The following BACH2 variants were observed in gnomAD, a reference collection of about 807,000 sequenced individuals.
The protein encoded by BACH2 is BACH transcriptional regulator 2, also known as transcription regulator protein BACH2.
BACH2 carries 5 observed loss-of-function variants against 61.8 expected under a neutral mutation model. The observed-to-expected ratio is 0.08, with a 90% CI of 0.04 to 0.17. BACH2 has a LOEUF of 0.17. BACH2 is among the 10% of genes least tolerant of loss of function. The probability of loss-of-function intolerance (pLI) is 1.00; values close to 1 mark genes in which losing one functional copy is unlikely to be tolerated. For synonymous variants in BACH2, 446 were observed against 440.1 expected (o/e 1.01, Z -0.17); for missense variants, 824 against 1,091.1 (o/e 0.76, Z 3.45).
rs566287972 is a variant in BACH2 at position 90,088,730 on chromosome 6, G to C, written c.-13+231C>G. Among the ~76,000 whole-genome samples the C allele has an allele frequency of 6.6e-5, 10 of 152,166 alleles. No homozygotes were observed. The East Asian group carries it at 1.7e-3, about 27-fold the overall frequency. On this transcript the variant is annotated intron_variant, in intron 5 of 8. Coordinates refer to ENST00000257749, the MANE Select transcript of BACH2 (RefSeq NM_021813.4). ...GAAATCTGAGCTTGAGGCCCAGCAA[G>C]CTGTACTTCAACAAGCCCTCCAGGT...
intron 4 of BACH2, among the ~76,000 whole-genome samples, chr6:90,103,690 C>T (rs1782777286): frequency 6.6e-6 from 1 of 152,156 alleles, no homozygotes; most frequent in Non-Finnish European, 1.5e-5. Context: ...GGTTGTCTCA[C>T]TATCATCTTG....
chr6:90,164,339 G>C (rs956536283), intron 4 of BACH2, among the ~76,000 whole-genome samples: 1 of 152,032 alleles, frequency 6.6e-6, no homozygotes, highest in Non-Finnish European at 1.5e-5. Context: ...CCTCGACACA[G>C]ACACCCTCCC....
intron 5 of BACH2, among the ~76,000 whole-genome samples, chr6:90,021,023 C>T (rs1334827571): frequency 6.6e-6 from 1 of 152,098 alleles, no homozygotes; most frequent in African/African-American, 2.4e-5. Context: ...CTTCCTTTTG[C>T]AGGCCAAAAA....
At chr6:89,975,734 T>C (rs1775615941) in intron 6 of BACH2, among the ~76,000 whole-genome samples, 1 of 152,184 alleles carries the variant, frequency 6.6e-6, no homozygotes, top group Admixed American at 6.5e-5. Flanking sequence ...ATCCTGGAAA[T>C]AAGGTTGCAG....
intron 6 of BACH2, among the ~76,000 whole-genome samples, chr6:90,006,060 G>A (rs766773053): frequency 4.6e-5 from 7 of 152,022 alleles, no homozygotes; most frequent in Non-Finnish European, 1.0e-4. Flanking sequence ...CAATTATCAG[G>A]GATTTGATCT....
chr6:90,141,353 G>A (rs1784451615), intron 4 of BACH2, among the ~76,000 whole-genome samples: 1 of 151,932 alleles, frequency 6.6e-6, no homozygotes, highest in Non-Finnish European at 1.5e-5. Flanking sequence ...GCTAATTTTT[G>A]TATTTTCAGT....
chr6:89,963,851 T>C (rs1268500255), intron 6 of BACH2, among the ~76,000 whole-genome samples: 1 of 152,238 alleles, frequency 6.6e-6, no homozygotes. Flanking sequence ...ATGTGGTAGA[T>C]ACATACAATG....
chr6:90,243,507 A>C (rs1582525270), intron 3 of BACH2, among the ~76,000 whole-genome samples: 1 of 152,148 alleles, frequency 6.6e-6, no homozygotes, highest in Non-Finnish European at 1.5e-5. Context: ...TTTAGATCAC[A>C]AAAGTTTTGT....
chr6:90,078,628 T>C (rs759900886), intron 5 of BACH2, among the ~76,000 whole-genome samples: 1 of 152,190 alleles, frequency 6.6e-6, no homozygotes, highest in Non-Finnish European at 1.5e-5. Flanking sequence ...CAAATGACGA[T>C]AACACCAACA....
chr6:90,019,255 T>C (rs1220604555), intron 5 of BACH2, among the ~76,000 whole-genome samples: 1 of 152,214 alleles, frequency 6.6e-6, no homozygotes, highest in East Asian at 1.9e-4. Context: ...AGTTCATTTA[T>C]GGGTAATACA....
At chr6:90,031,866 T>G (rs1037145611) in intron 5 of BACH2, among the ~76,000 whole-genome samples, 1 of 152,112 alleles carries the variant, frequency 6.6e-6, no homozygotes, top group Non-Finnish European at 1.5e-5. Flanking sequence ...TTAAAGTTCA[T>G]ACGGAAACAA....
At chr6:90,031,569 CAG>C (rs375722970) in intron 5 of BACH2, among the ~76,000 whole-genome samples, 1 of 152,106 alleles carries the variant, frequency 6.6e-6, no homozygotes, top group Non-Finnish European at 1.5e-5. Context: ...AACAGACAAA[CAG>C]AGAGCCAAAT....
intron 3 of BACH2, among the ~76,000 whole-genome samples, chr6:90,210,103 T>C (rs1769291245): frequency 6.6e-6 from 1 of 152,138 alleles, no homozygotes; most frequent in Admixed American, 6.5e-5. Flanking sequence ...CTTTTATATA[T>C]TAATACTCTC....
intron 5 of BACH2, among the ~76,000 whole-genome samples, chr6:90,055,433 A>G (rs1198049448): frequency 6.6e-6 from 1 of 152,186 alleles, no homozygotes; most frequent in East Asian, 1.9e-4. Context: ...AAAAAGAATA[A>G]AAAGAAACGA....
At chr6:90,267,593 T>G (rs1183578060) in intron 2 of BACH2, among the ~76,000 whole-genome samples, 3 of 152,124 alleles carry the variant, frequency 2.0e-5, no homozygotes, top group Non-Finnish European at 2.9e-5. Flanking sequence ...AGAATTTAAC[T>G]GCAGTGTTGT....
At chr6:89,959,973 G>A (rs1774649426) in intron 6 of BACH2, among the ~76,000 whole-genome samples, 1 of 152,112 alleles carries the variant, frequency 6.6e-6, no homozygotes, top group South Asian at 2.1e-4. Flanking sequence ...CTTTCTTGGC[G>A]GTGTGTTCTG....
intron 5 of BACH2, among the ~76,000 whole-genome samples, chr6:90,067,093 G>A (rs1781002102): frequency 6.6e-6 from 1 of 152,210 alleles, no homozygotes; most frequent in South Asian, 2.1e-4. Flanking sequence ...CTGTAATAGG[G>A]CAGAGAAAGA....
At chr6:90,021,750 CTTACT>C (rs1778390307) in intron 5 of BACH2, among the ~76,000 whole-genome samples, 1 of 152,188 alleles carries the variant, frequency 6.6e-6, no homozygotes, top group Non-Finnish European at 1.5e-5. Flanking sequence ...ACTAAAACTT[CTTACT>C]TTAAGTGAAA....
At chr6:90,260,996 C>G (rs1771139424) in intron 2 of BACH2, among the ~76,000 whole-genome samples, 1 of 152,168 alleles carries the variant, frequency 6.6e-6, no homozygotes, top group Non-Finnish European at 1.5e-5. Context: ...CTGGGAGACG[C>G]TAGTGGCAAT....
Sources: gnomAD v4.1 joint callset for allele counts (sites outside exome capture counted in the v4.1 genomes callset) on GRCh38, gnomAD v4.1.1 for gene constraint, MANE v1.5 for transcripts, NCBI Gene and HGNC (gene_info 2026-07-23, HGNC 2026-07-21) for gene names.